ARHGAP23: variants seen among roughly 807,000 people sequenced by gnomAD.
The protein encoded by ARHGAP23 is rho GTPase-activating protein 23.
Under a neutral mutation model 136.3 loss-of-function variants are expected in ARHGAP23, and 34 were observed. The observed-to-expected ratio is 0.25, with a 90% CI of 0.19 to 0.33. The LOEUF is 0.33. Ranked by LOEUF, ARHGAP23 falls within the 10% of genes least tolerant of loss-of-function variation. The pLI, the probability that ARHGAP23 is intolerant of heterozygous loss-of-function variation, is 1.00. For missense variants in ARHGAP23, 1,808 were observed against 2,139.0 expected (o/e 0.85, Z 3.05); for synonymous variants, 832 against 920.5 (o/e 0.90, Z 1.74).
intron 1 of ARHGAP23, among the ~76,000 whole-genome samples, chr17:38,437,447 C>T (rs1293671546): frequency 6.6e-6 from 1 of 152,026 alleles, no homozygotes; most frequent in East Asian, 1.9e-4. Flanking sequence ...GGCAACATAG[C>T]AAGACCCTGT....
chr17:38,497,748 A>G (rs35844787), intron 20 of ARHGAP23, 37 bp from the exon 21 acceptor site: 143,929 of 1,543,598 alleles, frequency 0.093, 8,320 homozygotes, highest in African/African-American at 0.26. Flanking sequence ...CTTCTTTCCC[A>G]TGCTGATTTC....
chr17:38,468,684 G>C (rs1433846216), intron 7 of ARHGAP23, among the ~76,000 whole-genome samples: 2 of 152,204 alleles, frequency 1.3e-5, no homozygotes, highest in Non-Finnish European at 2.9e-5. Context: ...CTGTTTGAGG[G>C]GGAGATGTCA....
intron 3 of ARHGAP23, among the ~76,000 whole-genome samples, chr17:38,461,590 C>G (rs1017531010): frequency 3.3e-5 from 5 of 152,226 alleles, no homozygotes; most frequent in Non-Finnish European, 7.3e-5. Context: ...GCCCGCTGAC[C>G]TAGAGCGGCC....
intron 1 of ARHGAP23, among the ~76,000 whole-genome samples, chr17:38,447,116 C>G (rs1462570533): frequency 4.6e-5 from 7 of 152,062 alleles, no homozygotes; most frequent in Non-Finnish European, 8.8e-5. Context: ...ATTCCCACAG[C>G]AATCCAATTT....
chr17:38,486,579 A>G (rs2040166564), intron 17 of ARHGAP23, among the ~76,000 whole-genome samples: 1 of 151,040 alleles, frequency 6.6e-6, no homozygotes, highest in African/African-American at 2.4e-5. Flanking sequence ...TATTTAAAAA[A>G]CATAGATTGT....
chr17:38,490,263 A>C, intron 18 of ARHGAP23, 88 bp downstream of exon 18: 1 of 1,368,018 alleles, frequency 7.3e-7, no homozygotes, highest in East Asian at 2.5e-5. Flanking sequence ...GGTGCTGCCC[A>C]CGACCCCTGT....
intron 12 of ARHGAP23, among the ~76,000 whole-genome samples, chr17:38,478,282 G>A (rs1457987537): frequency 2.0e-5 from 3 of 152,174 alleles, no homozygotes; most frequent in African/African-American, 7.2e-5. Context: ...GAGTGTCCCC[G>A]CACCAGAACT....
intron 1 of ARHGAP23, among the ~76,000 whole-genome samples, chr17:38,433,218 C>T (rs1044022304): frequency 1.6e-4 from 24 of 152,184 alleles, no homozygotes; most frequent in Non-Finnish European, 1.2e-4. Context: ...ACTTTGGCCT[C>T]CCAAAGTGCG....
chr17:38,466,583 G>C lies in ARHGAP23; in HGVS notation c.900G>C (p.Ala300=), dbSNP rs1461922805. ...TGTCAAACCAGGTACCCCGCCGGGC[G>C]GGGGAGAGACGGTGCCCAGCCATGG... ...HWLSNQVPRR[A]GERRCPAMAP... is the part of the protein sequence containing the mutation. The change falls in exon 7 of 24, where the codon GCG becomes GCC. Residue 300 remains alanine, a synonymous_variant. Transcript: ENST00000622683. The C allele has an allele frequency of 4.0e-6, 6 of 1,504,856 alleles. No individual in the cohort carries two copies. The African/African-American group carries it at 4.2e-5, about 10-fold the overall frequency. 93.2% of individuals were successfully genotyped at this position (1,504,856 alleles called of 1,614,324 possible).
intron 6 of ARHGAP23, among the ~76,000 whole-genome samples, chr17:38,465,794 C>T (rs116468690): frequency 0.015 from 2,247 of 150,672 alleles, 38 homozygotes; most frequent in African/African-American, 0.05. Flanking sequence ...TGGGGTTTTC[C>T]GGCTCCACCC....
chr17:38,466,295 G>T lies in ARHGAP23; in HGVS notation c.612G>T (p.Arg204Ser). Residue 204 changes from arginine (R) to serine (S), a missense_variant, in exon 7 of 24, where the codon AGG becomes AGT. By Grantham distance (110) the Arg-to-Ser change is moderately radical. Coordinates refer to ENST00000622683, the MANE Select transcript of ARHGAP23 (RefSeq NM_001199417.2). The stretch of plus-strand genomic sequence containing the variant: ...CCCCTCCTGCCCGGGCCTCCACCAG[G>T]GCCACTATGGTGCCTGAGCCCACCT... ...TYAPPARAST[R>S]ATMVPEPTSA... The T allele has an allele frequency of 1.3e-6, 2 of 1,546,612 alleles. No individual in the cohort carries two copies. The highest frequency in any genetic ancestry group is 1.7e-6 in the Non-Finnish European group (2 of 1,146,534).
chr17:38,505,231 T>C (rs1376745297), intron 23 of ARHGAP23, among the ~76,000 whole-genome samples: 1 of 151,788 alleles, frequency 6.6e-6, no homozygotes, highest in Admixed American at 6.6e-5. Flanking sequence ...TGTTCTTGAA[T>C]TCCTGGCTTC....
intron 23 of ARHGAP23, among the ~76,000 whole-genome samples, chr17:38,501,941 A>T (rs2040530926): frequency 1.3e-5 from 2 of 151,506 alleles, no homozygotes; most frequent in African/African-American, 4.8e-5. Flanking sequence ...TTATTTAAAT[A>T]TTTGAATTAT....
intron 22 of ARHGAP23, among the ~76,000 whole-genome samples, chr17:38,499,857 G>A (rs888275243): frequency 1.5e-4 from 23 of 152,142 alleles, no homozygotes; most frequent in African/African-American, 5.3e-4. Flanking sequence ...CCTTGGAGGG[G>A]ACCCACCAGG....
intron 23 of ARHGAP23, among the ~76,000 whole-genome samples, chr17:38,505,764 A>C (rs1228570802): frequency 6.6e-6 from 1 of 152,174 alleles, no homozygotes; most frequent in Admixed American, 6.5e-5. Context: ...CCCCGTCTCT[A>C]CTAAAAATAC....
In ARHGAP23 at chr17:38,430,755, A is replaced by T. The variant is rs530364868; in HGVS notation, c.63+2207A>T. ...GTCAAGTGGATTCTTGTGAAGTTGG[A>T]TTCCAATGTAGAAACCTGGAGATGG... On this transcript the variant is annotated intron_variant, in intron 1 of 23. Coordinates refer to ENST00000622683, the MANE Select transcript of ARHGAP23 (RefSeq NM_001199417.2). Among the ~76,000 whole-genome samples the T allele has an allele frequency of 4.6e-5, 7 of 152,334 alleles. No individual in the cohort carries two copies. In the East Asian group the frequency reaches 9.6e-4, roughly 21 times the overall value.
Position 38,477,711 on chromosome 17 carries a change from G to T in ARHGAP23, c.2251G>T (p.Asp751Tyr). The T allele has an allele frequency of 6.5e-7, 1 of 1,539,582 alleles. No individual in the cohort carries two copies. Among genetic ancestry groups the T allele is most frequent in the Admixed American group, 2.0e-5 (1 of 50,484 alleles). ...AGAAAAGAGEDEAAPVCIGSC... is the reference protein window; with the variant it reads ...AGAAAAGAGEYEAAPVCIGSC... ...GGCTGCGGCGGCCGGCGCAGGTGAG[G>T]ACGAGGCGGCGCCCGTCTGCATCGG... Residue 751 changes from aspartate (D) to tyrosine (Y), a missense_variant, in exon 12 of 24, where the codon GAC becomes TAC. By Grantham distance (160) the Asp-to-Tyr change is radical. Around this residue, in one of 7 missense-constraint regions of ARHGAP23, gnomAD observed 139 missense variants for 264.3 expected, o/e 0.53. Transcript: ENST00000622683. The surrounding 1 kb of genome is among the most constrained non-coding windows in gnomAD (Gnocchi z 6.6).
In ARHGAP23 at chr17:38,510,022, C is replaced by A; in HGVS notation, c.3526C>A (p.Arg1176Ser). The A allele has an allele frequency of 8.0e-7, 1 of 1,247,384 alleles. No homozygotes were observed. Among genetic ancestry groups the A allele is most frequent in the Non-Finnish European group, 1.0e-6 (1 of 995,234 alleles). The allele number at this position is 1,247,384 out of a possible 1,614,324, so 77.3% of individuals were successfully genotyped here. The change falls in exon 24 of 24, where the codon CGC (arginine) becomes AGC (serine). Residue 1176 changes from arginine (R) to serine (S), a missense_variant. Transcript: ENST00000622683. This position sits in a 1 kb window ranked among gnomAD's most constrained non-coding sequence, Gnocchi z 4.6. Reference protein sequence around the residue: ...ISFISAVNRKRKKRREARGLG... With the variant: ...ISFISAVNRKSKKRREARGLG... ...CTTCATCTCGGCCGTCAACCGCAAG[C>A]GCAAGAAGCGGCGGGAGGCGCGGGG...
At chr17:38,499,805 G>A (rs1368351185) in intron 22 of ARHGAP23, among the ~76,000 whole-genome samples, 1 of 152,164 alleles carries the variant, frequency 6.6e-6, no homozygotes, top group African/African-American at 2.4e-5. Context: ...ACTACCCTGT[G>A]GGACCCCAGG....
Sources: gnomAD v4.1 joint callset for allele counts (sites outside exome capture counted in the v4.1 genomes callset) on GRCh38, gnomAD v4.1.1 for gene constraint, gnomAD v4.1.1 regional missense constraint, Gnocchi (gnomAD v3.1) non-coding constraint, MANE v1.5 for transcripts, NCBI Gene and HGNC (gene_info 2026-07-23, HGNC 2026-07-21) for gene names.